Variants in PAX7 observed in about 807,000 individuals in gnomAD.
PAX7 encodes the protein paired box 7.
In PAX7, 18 loss-of-function variants were observed where a neutral mutation model predicts 50.7. The ratio of observed to expected loss-of-function variants is 0.36; its 90% CI spans 0.25 to 0.53. PAX7 has a LOEUF of 0.53. Ranked by LOEUF, PAX7 falls within the 20% of genes least tolerant of loss-of-function variation. The pLI is 0.93. For missense variants in PAX7, 644 were observed against 702.9 expected (o/e 0.92, Z 0.95); for synonymous variants, 310 against 290.4 (o/e 1.07, Z -0.69).
At chr1:18,695,865 G>C (rs550456418) in intron 5 of PAX7, among the ~76,000 whole-genome samples, 22 of 152,230 alleles carry the variant, frequency 1.4e-4, no homozygotes, top group Non-Finnish European at 2.5e-4. Flanking sequence ...CCATCCTTCA[G>C]ATGATCAGCA....
chr1:18,742,443 A>T (rs1204256267), intron 8 of PAX7, among the ~76,000 whole-genome samples: 1 of 152,152 alleles, frequency 6.6e-6, no homozygotes. Context: ...GGCATGAGCC[A>T]CCGTGCTCGG....
chr1:18,671,590 C>T (rs2088750506), intron 4 of PAX7, among the ~76,000 whole-genome samples: 1 of 152,034 alleles, frequency 6.6e-6, no homozygotes, highest in Non-Finnish European at 1.5e-5. Context: ...CTCCCAGCAT[C>T]TCGGAGGGCT....
At chr1:18,661,861 G>T (rs2088604406) in intron 4 of PAX7, among the ~76,000 whole-genome samples, 1 of 152,234 alleles carries the variant, frequency 6.6e-6, no homozygotes, top group East Asian at 1.9e-4. Context: ...GTGGGCGGAG[G>T]GCGCCGGGAG....
intron 7 of PAX7, among the ~76,000 whole-genome samples, chr1:18,724,084 G>A (rs185101589): frequency 1.3e-5 from 2 of 152,334 alleles, no homozygotes; most frequent in East Asian, 1.9e-4. Flanking sequence ...CTGCGTGCTC[G>A]GTGGGCCGGC....
At chr1:18,663,157 T>A (rs2088623854) in intron 4 of PAX7, among the ~76,000 whole-genome samples, 1 of 152,228 alleles carries the variant, frequency 6.6e-6, no homozygotes. Context: ...TTCCGGAGGC[T>A]GGTTCCTTCT....
chr1:18,694,071 C>T (rs1461191068), intron 5 of PAX7, among the ~76,000 whole-genome samples: 5 of 152,182 alleles, frequency 3.3e-5, no homozygotes, highest in Admixed American at 3.3e-4. Context: ...GCAGGGACTC[C>T]CCATTAGACC....
At chr1:18,709,924 C>T (rs1233659006) in intron 7 of PAX7, among the ~76,000 whole-genome samples, 1 of 152,198 alleles carries the variant, frequency 6.6e-6, no homozygotes, top group African/African-American at 2.4e-5. Context: ...GCCAAGCTTC[C>T]TCTTTCCTCC....
chr1:18,690,542 G>A (rs1035408071), intron 4 of PAX7, among the ~76,000 whole-genome samples: 2 of 152,320 alleles, frequency 1.3e-5, no homozygotes, highest in Admixed American at 6.5e-5. Flanking sequence ...CAGCTAAGGA[G>A]GCTGAGCAGG....
chr1:18,709,364 C>T (rs2089322421), intron 7 of PAX7, among the ~76,000 whole-genome samples: 1 of 152,200 alleles, frequency 6.6e-6, no homozygotes, highest in African/African-American at 2.4e-5. Context: ...CGAAGGAAGC[C>T]ATAAAGGGAT....
intron 7 of PAX7, among the ~76,000 whole-genome samples, chr1:18,708,206 A>G (rs2089308332): frequency 6.6e-6 from 1 of 151,384 alleles, no homozygotes; most frequent in African/African-American, 2.4e-5. Context: ...CCCCCAGCCC[A>G]CTCTCTCCCC....
intron 7 of PAX7, among the ~76,000 whole-genome samples, chr1:18,716,772 T>C (rs1379200994): frequency 6.6e-6 from 1 of 151,926 alleles, no homozygotes; most frequent in Admixed American, 6.6e-5. Flanking sequence ...CTAATCTCTC[T>C]CATTCTCCTC....
chr1:18,677,957 C>T (rs2088846943), intron 4 of PAX7, among the ~76,000 whole-genome samples: 2 of 151,894 alleles, frequency 1.3e-5, no homozygotes, highest in African/African-American at 4.8e-5. Context: ...TGGCATTCTC[C>T]TGTAGTCCCA....
chr1:18,662,347 T>A (rs1570138522), intron 4 of PAX7, among the ~76,000 whole-genome samples: 1 of 152,146 alleles, frequency 6.6e-6, no homozygotes, highest in South Asian at 2.1e-4. Flanking sequence ...GCAATGCTCA[T>A]TGGTGTGGTT....
rs182961231 is a variant in PAX7 at position 18,725,841 on chromosome 1, C to T, written c.1156-9791C>T. Among the ~76,000 whole-genome samples, 593 of 152,222 alleles carry T rather than the reference C, an allele frequency of 3.9e-3. 3 individuals carry two copies. Among genetic ancestry groups the T allele is most frequent in the African/African-American group, 0.012 (515 of 41,534 alleles). ...CCCTGAGCCCTTGGACCCATCCTGGCGTGGGCACCTTCAGACTCAGGCCAA... is the reference window on the plus strand; with the variant it reads ...CCCTGAGCCCTTGGACCCATCCTGGTGTGGGCACCTTCAGACTCAGGCCAA... On this transcript the variant is annotated intron_variant, in intron 7 of 8. Coordinates refer to ENST00000420770, the MANE Select transcript of PAX7 (RefSeq NM_001135254.2).
At chr1:18,692,611 G>T (rs1374644441) in intron 5 of PAX7, among the ~76,000 whole-genome samples, 4 of 152,208 alleles carry the variant, frequency 2.6e-5, no homozygotes, top group Non-Finnish European at 5.9e-5. Context: ...GGTTTGGGGA[G>T]TATAAGAATC....
rs71575894 is a variant in PAX7 at position 18,707,411 on chromosome 1, C to CTTTTTTTTTTTTTT, written c.1155+4118_1155+4119insTTTTTTTTTTTTTT. ...TCCTTTTCTTTCCTTTTCTTTTTTT[C>CTTTTTTTTTTTTTT]TTTCTTTTTTTTTTTTTTTTTTTTT... On this transcript the variant is annotated intron_variant, in intron 7 of 8. Transcript: ENST00000420770. 1.6e-4 allele frequency among the ~76,000 whole-genome samples: 15 copies of CTTTTTTTTTTTTTT among 91,234 alleles called. No homozygotes were observed. The East Asian group carries it at 1.7e-3, about 10-fold the overall frequency. The allele number at this position is 91,234 out of a possible 152,430, so 59.9% of individuals were successfully genotyped here. A position where few individuals can be genotyped will look rare whatever the true frequency, so the allele number is the denominator to read the frequency against.
At chr1:18,717,992 T>C (rs2089448393) in intron 7 of PAX7, among the ~76,000 whole-genome samples, 1 of 152,160 alleles carries the variant, frequency 6.6e-6, no homozygotes, top group African/African-American at 2.4e-5. Flanking sequence ...GCCCCGACTC[T>C]GCTGTCTGAC....
intron 6 of PAX7, among the ~76,000 whole-genome samples, chr1:18,701,996 A>G (rs1311576609): frequency 6.6e-6 from 1 of 152,128 alleles, no homozygotes; most frequent in Non-Finnish European, 1.5e-5. Context: ...CTGTCACCCC[A>G]GAAGCCCTGT....
chr1:18,717,041 C>T (rs563405669), intron 7 of PAX7, among the ~76,000 whole-genome samples: 27 of 152,002 alleles, frequency 1.8e-4, no homozygotes, highest in South Asian at 1.2e-3. Flanking sequence ...CGCGCTCCGC[C>T]GCCGCCGCCG....
Sources: gnomAD v4.1 joint callset for allele counts (sites outside exome capture counted in the v4.1 genomes callset) on GRCh38, gnomAD v4.1.1 for gene constraint, MANE v1.5 for transcripts, NCBI Gene and HGNC (gene_info 2026-07-23, HGNC 2026-07-21) for gene names.